The following SRRM1 variants were observed in gnomAD, a reference collection of about 807,000 sequenced individuals.
The protein encoded by SRRM1 is serine and arginine repetitive matrix 1, also known as serine/arginine repetitive matrix protein 1.
SRRM1 carries 19 observed loss-of-function variants against 110.2 expected under a neutral mutation model. That is an observed-to-expected ratio of 0.17 (90% CI 0.12 to 0.25). The LOEUF (loss-of-function observed/expected upper bound fraction) is 0.25, where lower values mean the gene tolerates loss of function less well. Ranked by LOEUF, SRRM1 falls within the 10% of genes least tolerant of loss-of-function variation. The pLI is 1.00. For synonymous variants in SRRM1, 443 were observed against 414.9 expected (o/e 1.07, Z -0.82); for missense variants, 918 against 1,145.8 (o/e 0.80, Z 2.87).
chr1:24,653,368 A>T (rs1431403839), intron 8 of SRRM1, among the ~76,000 whole-genome samples: 2 of 152,226 alleles, frequency 1.3e-5, no homozygotes, highest in Non-Finnish European at 2.9e-5. Flanking sequence ...GTAGCTGATT[A>T]TAGGGCCAGT....
intron 12 of SRRM1, 154 bp downstream of exon 12, chr1:24,662,958 T>A (rs1668025441): frequency 8.9e-7 from 1 of 1,129,302 alleles, no homozygotes. Context: ...TTGTTTTGTT[T>A]TTGCTTTATT....
At chr1:24,649,449 G>A (rs1659296476) in intron 4 of SRRM1, among the ~76,000 whole-genome samples, 1 of 152,322 alleles carries the variant, frequency 6.6e-6, no homozygotes, top group South Asian at 2.1e-4. Context: ...CTCCTGAGTA[G>A]CTGGGATTAC....
chr1:24,654,798 T>A (rs894214573), intron 8 of SRRM1, 57 bp from the exon 9 acceptor site: 41 of 1,601,736 alleles, frequency 2.6e-5, no homozygotes, highest in Non-Finnish European at 3.5e-5. Flanking sequence ...TGTTCATACC[T>A]GTAAGGCCGT....
Position 24,654,958 on chromosome 1 carries a change from C to T in SRRM1, c.1144C>T (p.Pro382Ser). Residue 382 changes from proline (P) to serine (S), a missense_variant, in exon 9 of 17, where the codon CCT becomes TCT. Coordinates refer to ENST00000323848, the MANE Select transcript of SRRM1 (RefSeq NM_005839.4). ...KKPPKRTSSP[P>S]RKTRRLSPSA... ...GCCTCCCAAGAGGACATCCAGCCCC[C>T]CTCGGAAAACTCGTAGGTTATCTCC... 1.2e-6 allele frequency: 2 copies of T among 1,614,214 alleles called. No homozygotes were observed. Among genetic ancestry groups the T allele is most frequent in the Admixed American group, 1.7e-5 (1 of 60,028 alleles).
chr1:24,643,491 C>CCG (rs1438412855), intron 1 of SRRM1, 144 bp downstream of exon 1: 1 of 577,856 alleles, frequency 1.7e-6, no homozygotes, highest in Non-Finnish European at 2.6e-6. Context: ...CACCCCCCCC[C>CCG]CCCCCGTGCG....
intron 12 of SRRM1, among the ~76,000 whole-genome samples, chr1:24,666,213 A>T (rs953118935): frequency 6.6e-6 from 1 of 152,196 alleles, no homozygotes; most frequent in Non-Finnish European, 1.5e-5. Flanking sequence ...ACTCTGTGTC[A>T]TGTCAAGAAT....
chr1:24,656,905 A>G (rs918715048), intron 9 of SRRM1, among the ~76,000 whole-genome samples: 2 of 152,190 alleles, frequency 1.3e-5, no homozygotes, highest in African/African-American at 4.8e-5. Context: ...AAGAGTGGAT[A>G]TGTACATAGG....
chr1:24,655,662 G>C (rs943977799), intron 9 of SRRM1, among the ~76,000 whole-genome samples: 5 of 152,136 alleles, frequency 3.3e-5, no homozygotes, highest in Admixed American at 3.3e-4. Context: ...ATTGATTTCT[G>C]AGGAATTTAT....
At chr1:24,652,131 G>C (rs1661312737) in intron 6 of SRRM1, among the ~76,000 whole-genome samples, 1 of 147,034 alleles carries the variant, frequency 6.8e-6, no homozygotes, top group African/African-American at 2.5e-5. Flanking sequence ...TACTCAGGAG[G>C]ATCACTTGAG....
Position 24,666,861 on chromosome 1 carries a change from C to T in SRRM1, c.1675C>T (p.Arg559Trp), listed in dbSNP as rs1439720845. 1.1e-5 allele frequency: 17 copies of T among 1,612,998 alleles called. No homozygotes were observed. Among genetic ancestry groups the T allele is most frequent in the Middle Eastern group, 1.7e-4 (1 of 6,056 alleles). ...ATCCCCACCACCCACCAGAAGGCGA[C>T]GGTCTCCTTCTCCCGCCCCTCCTCC... is the stretch of plus-strand genomic sequence containing the variant. The part of the protein sequence containing the change: ...SPSPPPTRRR[R>W]SPSPAPPPRR... Residue 559 changes from arginine to tryptophan, a missense_variant, in exon 13 of 17, where the codon CGG becomes TGG. Transcript: ENST00000323848.
chr1:24,670,519 A>G (rs1259918271), intron 15 of SRRM1, among the ~76,000 whole-genome samples: 2 of 152,164 alleles, frequency 1.3e-5, no homozygotes, highest in African/African-American at 2.4e-5. Context: ...TGTTTTTGAG[A>G]CAGGGTCTCA....
chr1:24,672,119 T>C, intron 16 of SRRM1, 63 bp from the exon 17 acceptor site: 9 of 1,289,986 alleles, frequency 7.0e-6, no homozygotes, highest in South Asian at 2.6e-5. Context: ...TTGATTCTGC[T>C]CTTTACTCGG....
At chr1:24,656,726 AT>A (rs941036836) in intron 9 of SRRM1, among the ~76,000 whole-genome samples, 1 of 152,172 alleles carries the variant, frequency 6.6e-6, no homozygotes, top group African/African-American at 2.4e-5. Flanking sequence ...TCAAGTGATG[AT>A]TTTTTTCTAT....
At chr1:24,649,913 T>C in intron 4 of SRRM1, 58 bp from the exon 5 acceptor site, 1 of 1,443,418 alleles carries the variant, frequency 6.9e-7, no homozygotes, top group Admixed American at 2.9e-5. Flanking sequence ...TAGAAAGTAG[T>C]CTTCAGTTTG....
At chr1:24,654,754 A>G in intron 8 of SRRM1, 101 bp from the exon 9 acceptor site, 1 of 1,415,776 alleles carries the variant, frequency 7.1e-7, no homozygotes, top group Admixed American at 1.9e-5. Context: ...TAAACTCAAA[A>G]GTCGGATTAA....
chr1:24,670,442 C>A, intron 15 of SRRM1, 127 bp downstream of exon 15: 1 of 960,690 alleles, frequency 1.0e-6, no homozygotes, highest in Non-Finnish European at 1.5e-6. Flanking sequence ...GTGAGTTATA[C>A]ATCTGATCTT....
At position 24,662,683 on chromosome 1, in the gene SRRM1, G is replaced by T. The variant is rs1385417692; in HGVS notation, c.1507G>T (p.Glu503Ter). Reference protein sequence around the residue: ...SSDSGSSSSSEDERPKRSHVK... With the variant: ...SSDSGSSSSS ...AGACTCTGGCTCCTCCTCCTCCTCA[G>T]AAGATGAACGACCCAAGAGATCCCA... The change falls in exon 12 of 17, where the codon GAA becomes TAA. Residue 503 changes from glutamate to a stop codon, truncating the protein, a stop_gained. Transcript: ENST00000323848. LOFTEE classifies it high-confidence loss of function. The T allele has an allele frequency of 8.7e-6, 14 of 1,613,868 alleles. No homozygotes were observed. The highest frequency in any genetic ancestry group is 6.7e-5 in the Admixed American group (4 of 59,974).
chr1:24,659,222 A>G (rs1371027219), intron 9 of SRRM1, among the ~76,000 whole-genome samples: 2 of 152,098 alleles, frequency 1.3e-5, no homozygotes, highest in African/African-American at 4.8e-5. Context: ...GAGAAAGGGA[A>G]AAGTCTGTTC....
chr1:24,649,048 C>T lies in SRRM1; in HGVS notation c.405+19C>T, dbSNP rs1440710940. 4 of 1,606,816 alleles carry T rather than the reference C, an allele frequency of 2.5e-6. No individual in the cohort carries two copies. Among genetic ancestry groups the T allele is most frequent in the Non-Finnish European group, 2.5e-6 (3 of 1,177,348 alleles). ...AAGACAGGTAATAACCTTTTCTTTT[C>T]TGTAATGTCGATTTGAGAGTATTGG... On this transcript the variant is annotated intron_variant, in intron 4 of 16. Coordinates refer to ENST00000323848, the MANE Select transcript of SRRM1 (RefSeq NM_005839.4).
Sources: allele counts gnomAD v4.1 joint callset (sites outside exome capture counted in the v4.1 genomes callset), GRCh38; gene constraint gnomAD v4.1.1; transcripts MANE v1.5; gene names NCBI Gene and HGNC (gene_info 2026-07-23, HGNC 2026-07-21).